The following ADAMTS18 variants were observed in gnomAD, a reference collection of about 807,000 sequenced individuals.
The protein encoded by ADAMTS18 is A disintegrin and metalloproteinase with thrombospondin motifs 18.
A neutral mutation model predicts 165.9 loss-of-function variants in ADAMTS18; 157 were observed. The observed-to-expected ratio is 0.95, with a 90% CI of 0.83 to 1.08. ADAMTS18 has a LOEUF of 1.08. Ranked by LOEUF, ADAMTS18 falls within the 50% of genes least tolerant of loss-of-function variation. ADAMTS18 has a pLI of 0.00. For synonymous variants in ADAMTS18, 782 were observed against 578.2 expected (o/e 1.35, Z -5.06); for missense variants, 2,040 against 1,534.0 (o/e 1.33, Z -5.51).
intron 16 of ADAMTS18, among the ~76,000 whole-genome samples, chr16:77,310,731 G>T (rs2055765349): frequency 6.6e-6 from 1 of 151,990 alleles, no homozygotes; most frequent in African/African-American, 2.4e-5. Flanking sequence ...GGGTTCAAGG[G>T]ATCCTCCCTC....
At chr16:77,375,598 G>T (rs1488063102) in intron 3 of ADAMTS18, among the ~76,000 whole-genome samples, 1 of 152,176 alleles carries the variant, frequency 6.6e-6, no homozygotes, top group Admixed American at 6.5e-5. Context: ...AGGAGCGGAA[G>T]GGGTGGTGAG....
chr16:77,421,738 T>C (rs1396648580), intron 3 of ADAMTS18, among the ~76,000 whole-genome samples: 1 of 152,194 alleles, frequency 6.6e-6, no homozygotes, highest in Non-Finnish European at 1.5e-5. Flanking sequence ...ATGTCAGCTT[T>C]TCACAAAGTA....
At chr16:77,424,302 C>T (rs1409561794) in intron 3 of ADAMTS18, among the ~76,000 whole-genome samples, 1 of 152,082 alleles carries the variant, frequency 6.6e-6, no homozygotes, top group Non-Finnish European at 1.5e-5. Flanking sequence ...AACCCCATTT[C>T]AACTAAAAAT....
At chr16:77,410,374 G>A (rs1012479108) in intron 3 of ADAMTS18, among the ~76,000 whole-genome samples, 1 of 151,572 alleles carries the variant, frequency 6.6e-6, no homozygotes, top group South Asian at 2.1e-4. Context: ...AAATTTCACT[G>A]ATTCTCAAAA....
intron 11 of ADAMTS18, among the ~76,000 whole-genome samples, chr16:77,336,274 C>T (rs115714282): frequency 4.6e-5 from 7 of 152,056 alleles, no homozygotes; most frequent in Admixed American, 4.6e-4. Flanking sequence ...AAGAACAATT[C>T]GGATCACTCA....
intron 16 of ADAMTS18, among the ~76,000 whole-genome samples, chr16:77,315,888 T>C (rs1364489727): frequency 6.6e-6 from 1 of 152,218 alleles, no homozygotes; most frequent in African/African-American, 2.4e-5. Flanking sequence ...ACAGCTACTC[T>C]TGAATATCTA....
intron 11 of ADAMTS18, 76 bp downstream of exon 11, chr16:77,341,628 G>C: frequency 8.5e-7 from 1 of 1,175,736 alleles, no homozygotes; most frequent in Admixed American, 1.9e-5. Context: ...TTCACCCTAA[G>C]GTCACAATAC....
intron 16 of ADAMTS18, among the ~76,000 whole-genome samples, chr16:77,316,131 G>C (rs965975013): frequency 1.3e-5 from 2 of 152,052 alleles, no homozygotes; most frequent in Non-Finnish European, 2.9e-5. Flanking sequence ...TCCACTTCCT[G>C]CCACCTTCAC....
intron 16 of ADAMTS18, among the ~76,000 whole-genome samples, chr16:77,317,255 A>C (rs2055903775): frequency 6.6e-6 from 1 of 152,164 alleles, no homozygotes. Flanking sequence ...TTTTCTGTTT[A>C]TCCACTACTC....
chr16:77,398,013 A>T (rs894458346), intron 3 of ADAMTS18, among the ~76,000 whole-genome samples: 4 of 152,110 alleles, frequency 2.6e-5, no homozygotes, highest in African/African-American at 9.7e-5. Context: ...AATCAGGAAG[A>T]AGTAATCTAA....
At chr16:77,332,123 G>A (rs529423761) in intron 12 of ADAMTS18, among the ~76,000 whole-genome samples, 1 of 152,196 alleles carries the variant, frequency 6.6e-6, no homozygotes, top group African/African-American at 2.4e-5. Context: ...GGAAGACTAA[G>A]TTGTCTGTGG....
intron 20 of ADAMTS18, among the ~76,000 whole-genome samples, chr16:77,291,806 G>C (rs559098609): frequency 3.3e-5 from 5 of 152,304 alleles, no homozygotes; most frequent in Non-Finnish European, 7.3e-5. Context: ...AGAATTTCCA[G>C]GTTTAGGGTT....
At chr16:77,339,175 TAC>T (rs2056359741) in intron 11 of ADAMTS18, among the ~76,000 whole-genome samples, 1 of 151,030 alleles carries the variant, frequency 6.6e-6, no homozygotes, top group African/African-American at 2.4e-5. Flanking sequence ...TCATGAAATT[TAC>T]AGTCTAACAA....
intron 21 of ADAMTS18, among the ~76,000 whole-genome samples, chr16:77,289,703 C>T (rs1408573368): frequency 2.0e-5 from 3 of 152,200 alleles, no homozygotes; most frequent in African/African-American, 7.2e-5. Context: ...ACAGAAGCTG[C>T]TCTAAGAATG....
chr16:77,291,310 C>T lies in ADAMTS18; in HGVS notation c.3358G>A (p.Val1120Met), dbSNP rs199845592. 6.2e-7 allele frequency: 1 copy of T among 1,614,220 alleles called. No individual in the cohort carries two copies. The highest frequency in any genetic ancestry group is 8.5e-7 in the Non-Finnish European group (1 of 1,180,028). ...CNRRACPAHP[V>M]YNMVAGWYSL... ...TACCATCCAGCTACCATGTTGTACA[C>T]TGGATGGGCTGGGCAAGCCCGTCGG... The change falls in exon 21 of 23, where the codon GTG (valine) becomes ATG (methionine). Residue 1120 changes from valine (V) to methionine (M), a missense_variant. Val to Met is a conservative substitution (Grantham distance 21, BLOSUM62 1). Transcript: ENST00000282849.
At chr16:77,349,562 G>T (rs2056525702) in intron 10 of ADAMTS18, among the ~76,000 whole-genome samples, 1 of 143,008 alleles carries the variant, frequency 7.0e-6, no homozygotes, top group Non-Finnish European at 1.5e-5. Flanking sequence ...GGTTCACTGA[G>T]CCAGACAAAG....
intron 18 of ADAMTS18, among the ~76,000 whole-genome samples, chr16:77,295,662 T>A (rs1025965172): frequency 6.6e-6 from 1 of 152,186 alleles, no homozygotes; most frequent in Non-Finnish European, 1.5e-5. Context: ...GGGGTACATT[T>A]AGAGAAGGTC....
chr16:77,390,772 C>T (rs2057176052), intron 3 of ADAMTS18, among the ~76,000 whole-genome samples: 1 of 152,068 alleles, frequency 6.6e-6, no homozygotes, highest in Non-Finnish European at 1.5e-5. Flanking sequence ...ACCTGGTCTG[C>T]ACTGTTCAGT....
chr16:77,428,337 T>C (rs2057698962), intron 3 of ADAMTS18, among the ~76,000 whole-genome samples: 1 of 152,212 alleles, frequency 6.6e-6, no homozygotes, highest in African/African-American at 2.4e-5. Context: ...TTACTATAGA[T>C]GCTAATTAAT....
Sources: gnomAD v4.1 joint callset for allele counts (sites outside exome capture counted in the v4.1 genomes callset) on GRCh38, gnomAD v4.1.1 for gene constraint, MANE v1.5 for transcripts, NCBI Gene and HGNC (gene_info 2026-07-23, HGNC 2026-07-21) for gene names.